TM9SF2: variants seen among roughly 807,000 people sequenced by gnomAD.
TM9SF2 encodes the protein transmembrane 9 superfamily member 2, also known as 76 kDa membrane protein.
Under a neutral mutation model 84.9 loss-of-function variants are expected in TM9SF2, and 13 were observed. The observed-to-expected ratio is 0.15, with a 90% CI of 0.10 to 0.24. The LOEUF (loss-of-function observed/expected upper bound fraction) is 0.24, where lower values mean the gene tolerates loss of function less well. TM9SF2 is among the 10% of genes least tolerant of loss of function. The pLI, the probability that TM9SF2 is intolerant of heterozygous loss-of-function variation, is 1.00. For synonymous variants in TM9SF2, 273 were observed against 285.8 expected, an observed-to-expected ratio of 0.96 and a Z score of 0.45; for missense variants, 562 against 818.5, an observed-to-expected ratio of 0.69 and a Z score of 3.82.
chr13:99,528,550 T>C, intron 3 of TM9SF2, among the ~76,000 whole-genome samples: 1 of 152,226 alleles, frequency 6.6e-6, no homozygotes, highest in Non-Finnish European at 1.5e-5. Context: ...TGGTGTAATA[T>C]TGTCTCTCTG....
chr13:99,528,147 A>C (rs1320286954), intron 3 of TM9SF2, among the ~76,000 whole-genome samples: 1 of 152,242 alleles, frequency 6.6e-6, no homozygotes, highest in East Asian at 1.9e-4. Context: ...GCAAAACATA[A>C]ATAAAATACA....
intron 4 of TM9SF2, among the ~76,000 whole-genome samples, chr13:99,530,438 A>G (rs2046203615): frequency 1.3e-5 from 2 of 152,282 alleles, no homozygotes; most frequent in African/African-American, 2.4e-5. Context: ...ATAAAAAAAA[A>G]AGAAAGAATG....
intron 1 of TM9SF2, among the ~76,000 whole-genome samples, chr13:99,505,397 C>G (rs2046084818): frequency 6.6e-6 from 1 of 152,238 alleles, no homozygotes; most frequent in Non-Finnish European, 1.5e-5. Context: ...TCAGGTGATT[C>G]ACCCACTTCA....
At chr13:99,526,204 C>T (rs922094907) in intron 3 of TM9SF2, among the ~76,000 whole-genome samples, 4 of 152,188 alleles carry the variant, frequency 2.6e-5, no homozygotes, top group Admixed American at 1.3e-4. Flanking sequence ...GAGTGTGGAG[C>T]GGCTGCTAGG....
intron 16 of TM9SF2, among the ~76,000 whole-genome samples, chr13:99,562,180 A>AT (rs2046347388): frequency 6.6e-6 from 1 of 152,162 alleles, no homozygotes. Flanking sequence ...GCTAGGATGC[A>AT]TTTTTGTTAC....
chr13:99,511,155 T>C (rs2046112051), intron 1 of TM9SF2, among the ~76,000 whole-genome samples: 1 of 152,216 alleles, frequency 6.6e-6, no homozygotes. Flanking sequence ...AAAGCCCTTT[T>C]TCTGGCTTTT....
chr13:99,540,631 A>G (rs2046254934), intron 7 of TM9SF2, 83 bp from the exon 8 acceptor site: 4 of 1,119,924 alleles, frequency 3.6e-6, no homozygotes, highest in Admixed American at 2.0e-5. Flanking sequence ...CAATGGAAGG[A>G]CAAGCTTTGA....
intron 1 of TM9SF2, among the ~76,000 whole-genome samples, chr13:99,513,564 G>C (rs531080528): frequency 1.3e-5 from 2 of 152,162 alleles, no homozygotes; most frequent in South Asian, 4.1e-4. Context: ...ATGGCCTCAG[G>C]CTTTCAAACT....
At chr13:99,560,676 T>A (rs916069009) in intron 16 of TM9SF2, among the ~76,000 whole-genome samples, 6 of 152,174 alleles carry the variant, frequency 3.9e-5, no homozygotes, top group African/African-American at 1.4e-4. Context: ...TATTTATTTT[T>A]ATTTATTTTA....
chr13:99,535,210 T>A (rs991794816), intron 4 of TM9SF2, among the ~76,000 whole-genome samples: 12 of 152,304 alleles, frequency 7.9e-5, no homozygotes, highest in African/African-American at 2.6e-4. Context: ...GATTTTTTTT[T>A]AAATGCTTCC....
At chr13:99,514,211 T>C (rs905380341) in intron 1 of TM9SF2, 1 of 152,232 alleles carries the variant, frequency 6.6e-6, no homozygotes, top group Non-Finnish European at 1.5e-5. Context: ...AGCCTAAGTT[T>C]ACAGTGTGTA....
chr13:99,536,765 T>G, intron 5 of TM9SF2, 28 bp downstream of exon 5: 2 of 1,607,478 alleles, frequency 1.2e-6, no homozygotes, highest in Non-Finnish European at 1.7e-6. Flanking sequence ...TCTTTGCTGC[T>G]TTTTAAAACA....
intron 1 of TM9SF2, among the ~76,000 whole-genome samples, chr13:99,511,981 A>C (rs1475228255): frequency 6.6e-6 from 1 of 152,108 alleles, no homozygotes; most frequent in African/African-American, 2.4e-5. Flanking sequence ...CGTGATAGTT[A>C]TTATCTTCCT....
Position 99,563,798 on chromosome 13 carries a change from G to C in TM9SF2, c.*1040G>C, listed in dbSNP as rs574795701. The C allele has an allele frequency of 2.6e-5, 4 of 152,158 alleles. No individual in the cohort carries two copies. Among genetic ancestry groups the C allele is most frequent in the Non-Finnish European group, 5.9e-5 (4 of 68,030 alleles). The allele number at this position is 152,158 out of a possible 1,614,324, so 9.4% of individuals were successfully genotyped here. A position where few individuals can be genotyped will look rare whatever the true frequency, so the allele number is the denominator to read the frequency against. On this transcript the variant is annotated 3_prime_UTR_variant, in exon 17 of 17. Transcript: ENST00000376387. The stretch of plus-strand genomic sequence containing the variant: ...TGTTTTAATTTAGATTTCACAAACA[G>C]TTTTACTTCTAAGAGTTAAGAAATG...
chr13:99,561,474 T>A (rs2046344675), intron 16 of TM9SF2, among the ~76,000 whole-genome samples: 1 of 152,196 alleles, frequency 6.6e-6, no homozygotes, highest in African/African-American at 2.4e-5. Flanking sequence ...ATATACTGAG[T>A]TTTCATTATT....
At chr13:99,543,339 T>C (rs1238092440) in intron 9 of TM9SF2, among the ~76,000 whole-genome samples, 1 of 152,258 alleles carries the variant, frequency 6.6e-6, no homozygotes, top group Non-Finnish European at 1.5e-5. Flanking sequence ...TGAGATCATG[T>C]ACTCCTGAGA....
At chr13:99,531,973 A>G (rs571283555) in intron 4 of TM9SF2, among the ~76,000 whole-genome samples, 14 of 152,038 alleles carry the variant, frequency 9.2e-5, no homozygotes, top group African/African-American at 3.4e-4. Flanking sequence ...TATTAGCCCT[A>G]TCCACCTGCG....
chr13:99,515,699 CTT>C (rs1864258643), intron 1 of TM9SF2, among the ~76,000 whole-genome samples: 1 of 149,714 alleles, frequency 6.7e-6, no homozygotes, highest in African/African-American at 2.5e-5. Context: ...TAAACGTTAA[CTT>C]ATTTAATCTC....
At chr13:99,560,848 A>AT (rs1000709007) in intron 16 of TM9SF2, among the ~76,000 whole-genome samples, 1 of 151,792 alleles carries the variant, frequency 6.6e-6, no homozygotes, top group Admixed American at 6.6e-5. Context: ...CGCCCGGCTA[A>AT]TTTTTTTTAT....
Sources: gnomAD v4.1 joint callset for allele counts (sites outside exome capture counted in the v4.1 genomes callset) on GRCh38, gnomAD v4.1.1 for gene constraint, MANE v1.5 for transcripts, NCBI Gene and HGNC (gene_info 2026-07-23, HGNC 2026-07-21) for gene names.